Variants in TMEM181 observed in about 807,000 individuals in gnomAD.
TMEM181 encodes transmembrane protein 181, also known as G protein-coupled receptor 178.
Under a neutral mutation model 71.9 loss-of-function variants are expected in TMEM181, and 39 were observed. The observed-to-expected ratio is 0.54, with a 90% confidence interval of 0.42 to 0.71. TMEM181 has a LOEUF of 0.71. Among genes scored for constraint, TMEM181 ranks in the 30% least tolerant of loss-of-function variants. TMEM181 has a pLI of 0.00. For missense variants in TMEM181, 595 were observed against 583.0 expected, an observed-to-expected ratio of 1.02 and a Z score of -0.21; for synonymous variants, 245 against 228.8, an observed-to-expected ratio of 1.07 and a Z score of -0.64.
upstream of TMEM181, among the ~76,000 whole-genome samples, chr6:158,556,726 C>T (rs143318914): frequency 8.5e-5 from 13 of 152,088 alleles, no homozygotes; most frequent in East Asian, 2.5e-3. Context: ...CACGAGAATC[C>T]TCTTCATGGT....
intron 6 of TMEM181, among the ~76,000 whole-genome samples, chr6:158,593,950 G>A (rs555967073): frequency 1.3e-5 from 2 of 151,926 alleles, no homozygotes; most frequent in South Asian, 4.2e-4. Flanking sequence ...TTCCCTCTTG[G>A]TGTTGTACAT....
At chr6:158,562,690 T>G (rs1562621471) in intron 1 of TMEM181, among the ~76,000 whole-genome samples, 1 of 152,060 alleles carries the variant, frequency 6.6e-6, no homozygotes, top group Non-Finnish European at 1.5e-5. Flanking sequence ...CAGGCTTGGG[T>G]CAGTATCCTA....
At chr6:158,621,974 A>AG (rs1280785066) in intron 10 of TMEM181, among the ~76,000 whole-genome samples, 2 of 152,166 alleles carry the variant, frequency 1.3e-5, no homozygotes, top group African/African-American at 4.8e-5. Context: ...CTGGGCTGGA[A>AG]GGGGCCCAAG....
chr6:158,583,938 G>GTTT lies in TMEM181; in HGVS notation c.169-9_169-7dup. 2.6e-6 allele frequency: 4 copies of GTTT among 1,509,484 alleles called. No individual in the cohort carries two copies. Among genetic ancestry groups the GTTT allele is most frequent in the Non-Finnish European group, 3.6e-6 (4 of 1,106,888 alleles). 93.5% of individuals were successfully genotyped at this position (1,509,484 alleles called of 1,614,324 possible). A position where few individuals can be genotyped will look rare whatever the true frequency, so the allele number is the denominator to read the frequency against. On this transcript the variant is annotated splice_polypyrimidine_tract_variant and intron_variant, in intron 3 of 16. Transcript: ENST00000684151. ...ATGAAAAGGTCACATGGATTACTTT[G>GTTT]TTTTTTTTTCTTCAGCTAAAGCCAA...
At chr6:158,557,675 G>A (rs548274419), upstream of TMEM181, among the ~76,000 whole-genome samples, 6 of 152,118 alleles carry the variant, frequency 3.9e-5, no homozygotes, top group Admixed American at 6.5e-5. Context: ...CCGCCATCAC[G>A]CCCAGCTAAT....
intron 1 of TMEM181, among the ~76,000 whole-genome samples, chr6:158,547,057 A>C (rs1035227545): frequency 6.6e-6 from 1 of 152,074 alleles, no homozygotes; most frequent in Non-Finnish European, 1.5e-5. Flanking sequence ...TGAGGTGGGC[A>C]GATCACTTGA....
At position 158,620,139 on chromosome 6, in the gene TMEM181, T is replaced by G. The variant is rs1397512623; in HGVS notation, c.897-3411T>G. Among the ~76,000 whole-genome samples the G allele has an allele frequency of 2.0e-5, 3 of 152,126 alleles. No homozygotes were observed. The highest frequency in any genetic ancestry group is 4.4e-5 in the Non-Finnish European group (3 of 68,012). On this transcript the variant is annotated intron_variant, in intron 10 of 16. Transcript: ENST00000684151. The surrounding 1 kb of genome is among the most constrained non-coding windows in gnomAD (Gnocchi z 4.5). ...CCCTGTGAGCCAAGTTTGGCGAGGT[T>G]GTGAAGGAGACAGCCCAGAGGGGAG...
intron 1 of TMEM181, among the ~76,000 whole-genome samples, chr6:158,562,042 A>C (rs1216016699): frequency 1.3e-5 from 2 of 152,170 alleles, no homozygotes; most frequent in Admixed American, 1.3e-4. Context: ...CCAGGGAAAG[A>C]ATGGGAGAGA....
rs753654786 is a variant in TMEM181, at chr6:158,580,920, C to T, written c.113-20C>T. The T allele has an allele frequency of 3.5e-5, 56 of 1,580,932 alleles. No homozygotes were observed. The Admixed American group carries it at 6.1e-4, about 17-fold the overall frequency. On this transcript the variant is annotated intron_variant, in intron 2 of 16. Transcript: ENST00000684151. ...CAATATTGCTATAATCTGCTTTTGT[C>T]CTTTTCTGTTACACTTTAGGACCTA...
chr6:158,620,216 C>CGG lies in TMEM181; in HGVS notation c.897-3328_897-3327dup, dbSNP rs374671536. On this transcript the variant is annotated intron_variant, in intron 10 of 16. Transcript: ENST00000684151. The surrounding 1 kb of genome is among the most constrained non-coding windows in gnomAD (Gnocchi z 4.5). ...CCATGTGGGCTGGTGAGAGGAGGCC[C>CGG]GGGGGGGTCTATTTTTATTAGGCAT... 6.6e-6 allele frequency among the ~76,000 whole-genome samples: 1 copy of CGG among 151,854 alleles called. No homozygotes were observed. Among genetic ancestry groups the CGG allele is most frequent in the African/African-American group, 2.4e-5 (1 of 41,314 alleles).
chr6:158,621,538 G>T, intron 10 of TMEM181: 1 of 186,668 alleles, frequency 5.4e-6, no homozygotes, highest in Non-Finnish European at 1.2e-5. Flanking sequence ...CCAGCTGAGG[G>T]GGCCACATCA....
Position 158,588,018 on chromosome 6 carries a change from G to A in TMEM181, c.382-1654G>A, listed in dbSNP as rs573347572. Among the ~76,000 whole-genome samples, 5 of 152,354 alleles carry A rather than the reference G, an allele frequency of 3.3e-5. No homozygotes were observed. The South Asian group carries it at 1.0e-3, about 32-fold the overall frequency. On this transcript the variant is annotated intron_variant, in intron 5 of 16. Transcript: ENST00000684151. ...TGTGACCCGACTGCCAGAGGGGAAA[G>A]GTGAATTTAGTTTTGTCGAGAAGGT... is the stretch of plus-strand genomic sequence containing the variant.
intron 1 of TMEM181, among the ~76,000 whole-genome samples, chr6:158,562,446 TTGTGTGTGTGTG>T (rs58150738): frequency 1.5e-4 from 21 of 141,186 alleles, no homozygotes; most frequent in African/African-American, 4.0e-4. Context: ...AAGGCTGTTT[TTGTGTGTGTGTG>T]TGTGTGTGTG....
Position 158,601,797 on chromosome 6 carries a change from A to C in TMEM181, c.493-3470A>C, listed in dbSNP as rs1316868698. Among the ~76,000 whole-genome samples the C allele has an allele frequency of 2.6e-5, 4 of 152,180 alleles. No individual in the cohort carries two copies. The South Asian group carries it at 8.3e-4, about 32-fold the overall frequency. On this transcript the variant is annotated intron_variant, in intron 6 of 16. Transcript: ENST00000684151. ...AAAACAAGGCTAAAAGGATACAAAA[A>C]TTATGTGAAGTAGGTTACTAGCATC... is the stretch of plus-strand genomic sequence containing the variant.
At chr6:158,625,073 C>A in intron 11 of TMEM181, 31 bp from the exon 12 acceptor site, 1 of 1,559,608 alleles carries the variant, frequency 6.4e-7, no homozygotes, top group South Asian at 1.1e-5. Flanking sequence ...AGGCCCTGTT[C>A]CGACTCAAGT....
chr6:158,547,709 C>A (rs976797625), intron 1 of TMEM181, among the ~76,000 whole-genome samples: 3 of 151,834 alleles, frequency 2.0e-5, no homozygotes, highest in East Asian at 3.9e-4. Context: ...AGTTGACAGG[C>A]CCCCCAGGCC....
At chr6:158,543,173 C>T (rs1395913869) in intron 1 of TMEM181, among the ~76,000 whole-genome samples, 2 of 152,072 alleles carry the variant, frequency 1.3e-5, no homozygotes, top group Non-Finnish European at 2.9e-5. Flanking sequence ...CCTCGCCTGG[C>T]CTCAGAGTAT....
At chr6:158,617,236 A>G (rs1446106903) in intron 10 of TMEM181, among the ~76,000 whole-genome samples, 1 of 151,988 alleles carries the variant, frequency 6.6e-6, no homozygotes, top group Non-Finnish European at 1.5e-5. Context: ...CCAGGAATTT[A>G]TCTATTTCTT....
intron 1 of TMEM181, among the ~76,000 whole-genome samples, chr6:158,544,727 T>C (rs1781469706): frequency 1.3e-5 from 2 of 152,096 alleles, no homozygotes; most frequent in African/African-American, 2.4e-5. Flanking sequence ...CCCTGCTCAA[T>C]GGACAGCTCC....
Sources: allele counts gnomAD v4.1 joint callset (sites outside exome capture counted in the v4.1 genomes callset), GRCh38; gene constraint gnomAD v4.1.1; non-coding constraint Gnocchi (gnomAD v3.1); transcripts MANE v1.5; gene names NCBI Gene and HGNC (gene_info 2026-07-23, HGNC 2026-07-21).